Variants in ZNF280A observed in about 807,000 individuals in gnomAD.
ZNF280A encodes suppressor of hairy wing homolog 1.
A neutral mutation model predicts 35.9 loss-of-function variants in ZNF280A; 26 were observed. The observed-to-expected ratio is 0.72, with a 90% confidence interval of 0.53 to 1.01. ZNF280A has a LOEUF of 1.01. ZNF280A is among the 50% of genes least tolerant of loss of function. ZNF280A has a pLI of 0.00. For synonymous variants in ZNF280A, 231 were observed against 232.9 expected (o/e 0.99, Z 0.07); for missense variants, 654 against 652.0 (o/e 1.00, Z -0.03).
chr22:22,518,177 G>C (rs1018030214), intron 1 of ZNF280A, among the ~76,000 whole-genome samples: 3 of 151,582 alleles, frequency 2.0e-5, no homozygotes, highest in African/African-American at 2.4e-5. Flanking sequence ...CGCCCGCCTC[G>C]GCCTCCCAAA....
Position 22,513,919 on chromosome 22 carries a change from G to T in ZNF280A, c.*83C>A. ...AACCTGACAGTTGATGACATTGCTT[G>T]CTAGCATCTACAGCCACAATGCACA... On this transcript the variant is annotated 3_prime_UTR_variant, in exon 2 of 2. Transcript: ENST00000302097. 1 of 790,238 alleles carries T rather than the reference G, an allele frequency of 1.3e-6. No homozygotes were observed. Among genetic ancestry groups the T allele is most frequent in the Non-Finnish European group, 2.1e-6 (1 of 473,476 alleles). 49.0% of individuals were successfully genotyped at this position (790,238 alleles called of 1,614,324 possible). A position where few individuals can be genotyped will look rare whatever the true frequency, so the allele number is the denominator to read the frequency against.
At position 22,520,119 on chromosome 22, in the gene ZNF280A, G is replaced by A. The variant is rs1239432534; in HGVS notation, c.-102C>T. On this transcript the variant is annotated 5_prime_UTR_variant, in exon 1 of 2. Coordinates refer to ENST00000302097, the MANE Select transcript of ZNF280A (RefSeq NM_080740.5). ...CCTAAAGTTGCGAGTGCATCCAGAT[G>A]ATTCAGTGCAGCTCAGTATGTTCCA... The A allele has an allele frequency of 3.3e-5, 5 of 151,998 alleles. No individual in the cohort carries two copies. The highest frequency in any genetic ancestry group is 1.2e-4 in the African/African-American group (5 of 41,404). The allele number at this position is 151,998 out of a possible 1,614,324, so 9.4% of individuals were successfully genotyped here.
rs144599536 is a variant in ZNF280A, at chr22:22,515,302, G to C, written c.329C>G (p.Ser110Trp). 1,022 of 1,613,784 alleles carry C rather than the reference G, an allele frequency of 6.3e-4. 4 individuals are homozygous for C. The highest frequency in any genetic ancestry group is 3.3e-3 in the South Asian group (299 of 91,074). Residue 110 changes from serine to tryptophan, a missense_variant, in exon 2 of 2, where the codon TCG (serine) becomes TGG (tryptophan). Physicochemically the swap from Ser to Trp is radical, Grantham distance 177. Coordinates refer to ENST00000302097, the MANE Select transcript of ZNF280A (RefSeq NM_080740.5). The stretch of plus-strand genomic sequence containing the variant: ...CTTCATAGTGACAGGACTATCTGTC[G>C]ATCGCCCCTCAGACAGAGAAACCGG... ...IMPVSLSEGRSTDSPVTMKSS... is the reference protein window; with the variant it reads ...IMPVSLSEGRWTDSPVTMKSS...
chr22:22,520,184 T>G lies in ZNF280A; in HGVS notation c.-167A>C, dbSNP rs1038910592. 2 of 151,990 alleles carry G rather than the reference T, an allele frequency of 1.3e-5. No individual in the cohort carries two copies. The highest frequency in any genetic ancestry group is 4.8e-5 in the African/African-American group (2 of 41,392). The allele number at this position is 151,990 out of a possible 1,614,324, so 9.4% of individuals were successfully genotyped here. ...GGAAAGCGAAGCTGGAGCTTCCTTGTCTCCACCTCCCGGAGAAATTTGTCC... is the reference window on the plus strand; with the variant it reads ...GGAAAGCGAAGCTGGAGCTTCCTTGGCTCCACCTCCCGGAGAAATTTGTCC... On this transcript the variant is annotated 5_prime_UTR_variant, in exon 1 of 2. Transcript: ENST00000302097.
Position 22,514,035 on chromosome 22 carries a change from A to G in ZNF280A, c.1596T>C (p.Asp532=). ...AATCCTTGCTGCAAGGGAGTCTGGA[A>G]TCTCTAGTGTTCATAGCCGTCTTCT... ...TKKKTAMNTR[D]SRLPCSKDSS Residue 532 remains aspartate, a synonymous_variant, in exon 2 of 2, where the codon GAT becomes GAC. Transcript: ENST00000302097. 6.3e-7 allele frequency: 1 copy of G among 1,585,910 alleles called. No individual in the cohort carries two copies. Among genetic ancestry groups the G allele is most frequent in the East Asian group, 2.2e-5 (1 of 44,672 alleles).
At chr22:22,517,142 C>T (rs865902188) in intron 1 of ZNF280A, among the ~76,000 whole-genome samples, 3 of 151,860 alleles carry the variant, frequency 2.0e-5, no homozygotes, top group South Asian at 2.1e-4. Context: ...TGCAGTGGCT[C>T]GTACCTGTAA....
At chr22:22,516,300 C>A (rs1355617261) in intron 1 of ZNF280A, among the ~76,000 whole-genome samples, 1 of 150,726 alleles carries the variant, frequency 6.6e-6, no homozygotes, top group Non-Finnish European at 1.5e-5. Flanking sequence ...AATCACAGCA[C>A]ACACACACAC....
At chr22:22,515,881 T>C (rs937966743) in intron 1 of ZNF280A, among the ~76,000 whole-genome samples, 180 bp from the exon 2 acceptor site, 2 of 151,926 alleles carry the variant, frequency 1.3e-5, no homozygotes, top group African/African-American at 2.4e-5. Context: ...TCTCCTCCCC[T>C]GGTCTTCTGC....
Position 22,514,893 on chromosome 22 carries a change from A to G in ZNF280A, c.738T>C (p.Ser246=), listed in dbSNP as rs1237536668. ...HFNLTDPERA[S]ESALAMTDIS... is the part of the protein sequence containing the mutation. The stretch of plus-strand genomic sequence containing the variant: ...TGTCTGTCATTGCCAGGGCAGACTC[A>G]CTTGCTCTCTCTGGATCTGTAAGAT... The change falls in exon 2 of 2, where the codon AGT becomes AGC. Residue 246 remains serine, a synonymous_variant. Transcript: ENST00000302097. The G allele has an allele frequency of 6.2e-7, 1 of 1,613,722 alleles. No individual in the cohort carries two copies. Among genetic ancestry groups the G allele is most frequent in the Non-Finnish European group, 8.5e-7 (1 of 1,179,890 alleles).
In ZNF280A at chr22:22,515,704, A is replaced by T. The variant is rs2062061483; in HGVS notation, c.-71-3T>A. The T allele has an allele frequency of 6.6e-7, 1 of 1,514,070 alleles. No individual in the cohort carries two copies. Among genetic ancestry groups the T allele is most frequent in the East Asian group, 2.3e-5 (1 of 43,836 alleles). 93.8% of individuals were successfully genotyped at this position (1,514,070 alleles called of 1,614,324 possible). A position where few individuals can be genotyped will look rare whatever the true frequency, so the allele number is the denominator to read the frequency against. On this transcript the variant is annotated splice_polypyrimidine_tract_variant and splice_region_variant and intron_variant, in intron 1 of 1. Transcript: ENST00000302097. Reference sequence around the variant, plus strand: ...GCTGTCTTTTTACAAATTGCCACCTAAGTGCAACCATGTGACAATAGTCAA... The same window carrying T: ...GCTGTCTTTTTACAAATTGCCACCTTAGTGCAACCATGTGACAATAGTCAA...
chr22:22,514,348 C>T lies in ZNF280A; in HGVS notation c.1283G>A (p.Cys428Tyr), dbSNP rs2146892977. The T allele has an allele frequency of 6.2e-7, 1 of 1,613,912 alleles. No homozygotes were observed. The highest frequency in any genetic ancestry group is 2.2e-5 in the East Asian group (1 of 44,820). The change falls in exon 2 of 2, where the codon TGT becomes TAT. Residue 428 changes from cysteine (C) to tyrosine (Y), a missense_variant. By Grantham distance (194) the Cys-to-Tyr change is radical. Coordinates refer to ENST00000302097, the MANE Select transcript of ZNF280A (RefSeq NM_080740.5). Reference protein sequence around the residue: ...ENTKNLLCLFCLKLFKTAIPY... With the variant: ...ENTKNLLCLFYLKLFKTAIPY... ...TATTGCAGTTTTGAAAAGTTTGAGA[C>T]AAAACAGACAAAGCAAATTCTTTGT...
rs144458700 is a variant in ZNF280A, at chr22:22,514,575, G to A, written c.1056C>T (p.His352=). The A allele has an allele frequency of 5.0e-5, 81 of 1,613,976 alleles. No homozygotes were observed. The African/African-American group carries it at 6.4e-4, about 13-fold the overall frequency. The change falls in exon 2 of 2, where the codon CAC becomes CAT. Residue 352 remains histidine (H), a synonymous_variant. Coordinates refer to ENST00000302097, the MANE Select transcript of ZNF280A (RefSeq NM_080740.5). ...CCATGGCGATGTGTACACTATCAAT[G>A]TGACACTGTAGCTGGAAGGGAGTGG... ...QFPTPFQLQC[H]IDSVHIAMGP... is the part of the protein sequence containing the mutation.
At chr22:22,519,182 T>G (rs1439656911) in intron 1 of ZNF280A, among the ~76,000 whole-genome samples, 3 of 151,818 alleles carry the variant, frequency 2.0e-5, no homozygotes, top group Non-Finnish European at 2.9e-5. Flanking sequence ...GCCTGTAACC[T>G]CAGCACTTTG....
At position 22,513,748 on chromosome 22, in the gene ZNF280A, C is replaced by T; in HGVS notation, c.*254G>A. The T allele has an allele frequency of 2.4e-6, 1 of 415,946 alleles. No homozygotes were observed. Among genetic ancestry groups the T allele is most frequent in the Non-Finnish European group, 4.2e-6 (1 of 237,996 alleles). 25.8% of individuals were successfully genotyped at this position (415,946 alleles called of 1,614,324 possible). On this transcript the variant is annotated 3_prime_UTR_variant, in exon 2 of 2. Transcript: ENST00000302097. Reference sequence around the variant, plus strand: ...AAAGACAAGAATCTTTGTGTGATTCCATTTATTTAAAGTTCATGAACAAGA... The same window carrying T: ...AAAGACAAGAATCTTTGTGTGATTCTATTTATTTAAAGTTCATGAACAAGA...
intron 1 of ZNF280A, among the ~76,000 whole-genome samples, chr22:22,516,107 A>C (rs1449111137): frequency 6.6e-6 from 1 of 151,698 alleles, no homozygotes; most frequent in African/African-American, 2.4e-5. Flanking sequence ...CCATCTCTAC[A>C]AAAAAATTTA....
chr22:22,516,316 C>CACACACACAT (rs57127688), intron 1 of ZNF280A, among the ~76,000 whole-genome samples: 1 of 151,068 alleles, frequency 6.6e-6, no homozygotes, highest in Non-Finnish European at 1.5e-5. Context: ...CACACACACA[C>CACACACACAT]CCTTTGCTGT....
chr22:22,514,958 T>G lies in ZNF280A; in HGVS notation c.673A>C (p.Thr225Pro). 6.2e-7 allele frequency: 1 copy of G among 1,613,940 alleles called. No individual in the cohort carries two copies. The change falls in exon 2 of 2, where the codon ACA becomes CCA. Residue 225 changes from threonine to proline, a missense_variant. Physicochemically the swap from Thr to Pro is conservative, Grantham distance 38 (BLOSUM62 -1). Coordinates refer to ENST00000302097, the MANE Select transcript of ZNF280A (RefSeq NM_080740.5). ...CCATTAGCATCAGGCCAAGGAAATG[T>G]TACTCCATTCTGAACATGGTTTGAT... ...NSSNHVQNGV[T>P]FPWPDANGKA...
In ZNF280A at chr22:22,514,005, G is replaced by T; in HGVS notation, c.1626C>A (p.Ser542Arg). The T allele has an allele frequency of 6.6e-7, 1 of 1,522,512 alleles. No individual in the cohort carries two copies. The highest frequency in any genetic ancestry group is 9.0e-7 in the Non-Finnish European group (1 of 1,111,068). 94.3% of individuals were successfully genotyped at this position (1,522,512 alleles called of 1,614,324 possible). A position where few individuals can be genotyped will look rare whatever the true frequency, so the allele number is the denominator to read the frequency against. ...TGGAAGTCAGTCGAACATATTTTCA[G>T]CTAGAATCCTTGCTGCAAGGGAGTC... ...DSRLPCSKDSS is the reference protein window; with the variant it reads ...DSRLPCSKDSR Residue 542 changes from serine (S) to arginine (R), a missense_variant, in exon 2 of 2, where the codon AGC (serine) becomes AGA (arginine). Physicochemically the swap from Ser to Arg is moderately radical, Grantham distance 110. Transcript: ENST00000302097.
intron 1 of ZNF280A, among the ~76,000 whole-genome samples, chr22:22,517,238 T>C (rs2146900885): frequency 6.6e-6 from 1 of 152,020 alleles, no homozygotes; most frequent in Non-Finnish European, 1.5e-5. Flanking sequence ...AAGACCCATC[T>C]CTACAAAAAA....
Sources: allele counts gnomAD v4.1 joint callset (sites outside exome capture counted in the v4.1 genomes callset), GRCh38; gene constraint gnomAD v4.1.1; transcripts MANE v1.5; gene names NCBI Gene and HGNC (gene_info 2026-07-23, HGNC 2026-07-21).